Variants in ERP44 observed in about 807,000 individuals in gnomAD.
The protein encoded by ERP44 is endoplasmic reticulum protein 44, also known as endoplasmic reticulum resident protein 44.
In ERP44, 25 loss-of-function variants were observed where a neutral mutation model predicts 53.4. The ratio of observed to expected loss-of-function variants is 0.47; its 90% CI spans 0.34 to 0.65. The LOEUF is 0.65. ERP44 is among the 30% of genes least tolerant of loss of function. The pLI is 0.01. For missense variants in ERP44, 338 were observed against 493.2 expected, an observed-to-expected ratio of 0.69 and a Z score of 2.98; for synonymous variants, 145 against 161.2, an observed-to-expected ratio of 0.90 and a Z score of 0.76.
intron 8 of ERP44, among the ~76,000 whole-genome samples, chr9:100,010,832 C>G (rs1830467379): frequency 6.9e-6 from 1 of 145,332 alleles, no homozygotes; most frequent in Admixed American, 7.2e-5. Flanking sequence ...ACCTGGGGGG[C>G]AGAGGTTACA....
chr9:100,067,762 C>T lies in ERP44; in HGVS notation c.58-7590G>A, dbSNP rs541556927. Among the ~76,000 whole-genome samples, 232 of 152,136 alleles carry T rather than the reference C, an allele frequency of 1.5e-3. 1 individual carries two copies. Among genetic ancestry groups the T allele is most frequent in the African/African-American group, 5.4e-3 (225 of 41,520 alleles). ...GGAAGTGAGGAGCGCCTCTTCCCGG[C>T]CGCCATCCCATCTGGGAAGTGAGGA... On this transcript the variant is annotated intron_variant, in intron 1 of 11. Coordinates refer to ENST00000262455, the MANE Select transcript of ERP44 (RefSeq NM_015051.3).
At chr9:100,079,520 C>T (rs940772269) in intron 1 of ERP44, among the ~76,000 whole-genome samples, 1 of 152,002 alleles carries the variant, frequency 6.6e-6, no homozygotes, top group South Asian at 2.1e-4. Context: ...ACTGCCACCA[C>T]GCCTGGCTGA....
chr9:100,058,670 T>C (rs958923167), intron 2 of ERP44, among the ~76,000 whole-genome samples: 14 of 152,042 alleles, frequency 9.2e-5, no homozygotes, highest in Admixed American at 5.9e-4. Flanking sequence ...TTTAAGTTAT[T>C]CCCCCCTACA....
chr9:100,072,584 G>C (rs1169148435), intron 1 of ERP44, among the ~76,000 whole-genome samples: 1 of 152,154 alleles, frequency 6.6e-6, no homozygotes, highest in Non-Finnish European at 1.5e-5. Flanking sequence ...GTGCAATGGA[G>C]CGATCTTGGC....
rs367743443 is a variant in ERP44 at position 100,093,443 on chromosome 9, A to G, written c.57+5341T>C. Among the ~76,000 whole-genome samples the G allele has an allele frequency of 2.1e-3, 320 of 152,342 alleles. 1 individual carries two copies. The highest frequency in any genetic ancestry group is 7.4e-3 in the African/African-American group (306 of 41,584). ...TGGATCGCTTGAGCCCAGGAGTTCG[A>G]GACCAGCCTGGGCAACATGGCAAAA... On this transcript the variant is annotated intron_variant, in intron 1 of 11. Transcript: ENST00000262455.
chr9:100,031,692 T>C (rs1825792169), intron 4 of ERP44, among the ~76,000 whole-genome samples: 1 of 152,176 alleles, frequency 6.6e-6, no homozygotes, highest in South Asian at 2.1e-4. Flanking sequence ...CTGTTTTTTT[T>C]TAAGAGTGCT....
intron 10 of ERP44, among the ~76,000 whole-genome samples, chr9:99,989,749 C>T (rs188799285): frequency 3.3e-4 from 50 of 152,210 alleles, no homozygotes; most frequent in African/African-American, 1.1e-3. Flanking sequence ...GGAGGATGTT[C>T]GAACCCATCA....
At chr9:99,984,090 T>C (rs1443439290) in intron 11 of ERP44, among the ~76,000 whole-genome samples, 1 of 152,204 alleles carries the variant, frequency 6.6e-6, no homozygotes, top group Non-Finnish European at 1.5e-5. Flanking sequence ...TCTGACCTAA[T>C]TTTTAAAGGA....
intron 4 of ERP44, among the ~76,000 whole-genome samples, chr9:100,051,676 G>A (rs902986166): frequency 2.6e-5 from 4 of 152,106 alleles, no homozygotes; most frequent in African/African-American, 4.8e-5. Context: ...CCAGAACTAC[G>A]AAATACAATG....
chr9:100,079,265 G>A (rs749944936), intron 1 of ERP44, among the ~76,000 whole-genome samples: 1 of 152,154 alleles, frequency 6.6e-6, no homozygotes, highest in Non-Finnish European at 1.5e-5. Context: ...TCCTTCTCCA[G>A]TGCTGGATGC....
At chr9:99,989,424 A>C (rs1587954197) in intron 10 of ERP44, among the ~76,000 whole-genome samples, 1 of 152,350 alleles carries the variant, frequency 6.6e-6, no homozygotes, top group East Asian at 1.9e-4. Flanking sequence ...ACCTCCAGCA[A>C]ACTCCAACAG....
intron 10 of ERP44, 118 bp downstream of exon 10, chr9:100,006,388 C>T: frequency 1.4e-6 from 1 of 726,180 alleles, no homozygotes; most frequent in Non-Finnish European, 2.2e-6. Flanking sequence ...CCTCTCCCAT[C>T]CAGTTAACAA....
chr9:100,072,605 C>A (rs1190933793), intron 1 of ERP44, among the ~76,000 whole-genome samples: 1 of 152,128 alleles, frequency 6.6e-6, no homozygotes, highest in Non-Finnish European at 1.5e-5. Flanking sequence ...TCACTGCAAC[C>A]TTCGCCTCCC....
intron 10 of ERP44, among the ~76,000 whole-genome samples, chr9:99,997,181 T>G (rs1830320434): frequency 6.6e-6 from 1 of 152,200 alleles, no homozygotes; most frequent in Admixed American, 6.5e-5. Context: ...GATTGCTGTA[T>G]CAAATGGTAG....
chr9:100,013,451 A>G (rs1026601239), intron 8 of ERP44, among the ~76,000 whole-genome samples: 1 of 151,470 alleles, frequency 6.6e-6, no homozygotes, highest in Non-Finnish European at 1.5e-5. Context: ...ATTATGGGCC[A>G]AGACTGGAAT....
At chr9:100,067,760 G>C (rs1229892807) in intron 1 of ERP44, among the ~76,000 whole-genome samples, 1 of 151,240 alleles carries the variant, frequency 6.6e-6, no homozygotes, top group Non-Finnish European at 1.5e-5. Flanking sequence ...GCCTCTTCCC[G>C]GCCGCCATCC....
chr9:100,098,759 A>G (rs368261766), intron 1 of ERP44, 25 bp downstream of exon 1: 27 of 1,606,894 alleles, frequency 1.7e-5, no homozygotes, highest in Non-Finnish European at 2.0e-5. Flanking sequence ...GCGTTTGTCG[A>G]TGGGTCTGTC....
chr9:99,988,000 G>C (rs1237865972), intron 10 of ERP44, among the ~76,000 whole-genome samples: 1 of 152,134 alleles, frequency 6.6e-6, no homozygotes, highest in Non-Finnish European at 1.5e-5. Context: ...TAAATGCCAG[G>C]TTATATGGTA....
At chr9:99,993,582 C>G (rs1830278241) in intron 10 of ERP44, among the ~76,000 whole-genome samples, 2 of 152,278 alleles carry the variant, frequency 1.3e-5, no homozygotes, top group Admixed American at 1.3e-4. Context: ...TAGGCAATAC[C>G]ATTCAGGACA....
Sources: gnomAD v4.1 joint callset for allele counts (sites outside exome capture counted in the v4.1 genomes callset) on GRCh38, gnomAD v4.1.1 for gene constraint, MANE v1.5 for transcripts, NCBI Gene and HGNC (gene_info 2026-07-23, HGNC 2026-07-21) for gene names.